HS2ST1: variants seen among roughly 807,000 people sequenced by gnomAD.
HS2ST1 encodes the protein 2-O-sulfotransferase.
In HS2ST1, 18 loss-of-function variants were observed where a neutral mutation model predicts 42.9. The observed-to-expected ratio is 0.42, with a 90% CI of 0.29 to 0.62. HS2ST1 has a LOEUF of 0.62. HS2ST1 is among the 20% of genes least tolerant of loss of function. The probability of loss-of-function intolerance (pLI) is 0.21; values close to 1 mark genes in which losing one functional copy is unlikely to be tolerated. For synonymous variants in HS2ST1, 146 were observed against 152.9 expected, an observed-to-expected ratio of 0.95 and a Z score of 0.33; for missense variants, 334 against 433.8, an observed-to-expected ratio of 0.77 and a Z score of 2.04.
intron 1 of HS2ST1, among the ~76,000 whole-genome samples, chr1:86,935,237 C>T (rs1011663723): frequency 1.3e-5 from 2 of 151,322 alleles, no homozygotes; most frequent in African/African-American, 4.9e-5. Context: ...TCTGGTAGGG[C>T]TAATCTTGCT....
intron 1 of HS2ST1, among the ~76,000 whole-genome samples, chr1:87,036,046 C>T (rs1650366970): frequency 6.6e-6 from 1 of 152,086 alleles, no homozygotes; most frequent in African/African-American, 2.4e-5. Flanking sequence ...TTGTTCAACT[C>T]CCACTTATGA....
intron 1 of HS2ST1, among the ~76,000 whole-genome samples, chr1:86,952,202 C>T (rs1020822386): frequency 2.6e-5 from 4 of 152,072 alleles, no homozygotes; most frequent in Admixed American, 6.5e-5. Flanking sequence ...AATCACTGTC[C>T]GTGGCAGCTA....
intron 1 of HS2ST1, among the ~76,000 whole-genome samples, chr1:87,052,689 G>A (rs926297374): frequency 6.6e-6 from 1 of 152,166 alleles, no homozygotes; most frequent in Non-Finnish European, 1.5e-5. Context: ...AGTGCCATGA[G>A]TTAAAGGGTA....
chr1:87,028,991 A>C (rs964591260), intron 1 of HS2ST1, among the ~76,000 whole-genome samples: 1 of 152,194 alleles, frequency 6.6e-6, no homozygotes, highest in Non-Finnish European at 1.5e-5. Context: ...ACTTAGTTTT[A>C]GACATGAGGA....
intron 1 of HS2ST1, among the ~76,000 whole-genome samples, chr1:86,922,697 A>G (rs1212482711): frequency 1.3e-5 from 2 of 152,134 alleles, no homozygotes; most frequent in Non-Finnish European, 2.9e-5. Context: ...GAAGGTTGCC[A>G]TCATTCTTTG....
In HS2ST1 at chr1:87,053,239, T is replaced by G. The variant is rs551326821; in HGVS notation, c.125-19695T>G. Among the ~76,000 whole-genome samples the G allele has an allele frequency of 4.6e-5, 7 of 152,334 alleles. No homozygotes were observed. The East Asian group carries it at 1.2e-3, about 25-fold the overall frequency. On this transcript the variant is annotated intron_variant, in intron 1 of 6. Transcript: ENST00000370550. Reference sequence around the variant, plus strand: ...TGCAGTTGTTGAAGTGTGAAAATAATTTAGCTTTGTAGACAGTTCTGGCAT... The same window carrying G: ...TGCAGTTGTTGAAGTGTGAAAATAAGTTAGCTTTGTAGACAGTTCTGGCAT...
Position 87,101,150 on chromosome 1 carries a change from T to G in HS2ST1, c.687-2282T>G, listed in dbSNP as rs1188203610. The stretch of plus-strand genomic sequence containing the variant: ...CATCACTTTTGTGTGTGTGTGTGTG[T>G]TTTTTGTTTTTTTTTTTTTTTTTTT... On this transcript the variant is annotated intron_variant, in intron 5 of 6. Transcript: ENST00000370550. 6.9e-4 allele frequency among the ~76,000 whole-genome samples: 45 copies of G among 65,278 alleles called. 1 individual carries two copies. The highest frequency in any genetic ancestry group is 1.7e-3 in the African/African-American group (28 of 16,104). 42.8% of individuals were successfully genotyped at this position (65,278 alleles called of 152,430 possible). A position where few individuals can be genotyped will look rare whatever the true frequency, so the allele number is the denominator to read the frequency against.
intron 1 of HS2ST1, among the ~76,000 whole-genome samples, chr1:86,939,194 G>T (rs1170546412): frequency 6.6e-6 from 1 of 152,154 alleles, no homozygotes; most frequent in South Asian, 2.1e-4. Context: ...AAGGACAGGA[G>T]TTAAATATAA....
intron 1 of HS2ST1, among the ~76,000 whole-genome samples, chr1:86,935,598 G>A (rs71662192): frequency 6.6e-6 from 1 of 151,448 alleles, no homozygotes; most frequent in Non-Finnish European, 1.5e-5. Context: ...GAGTAGCTGA[G>A]ATTCCAGGCG....
chr1:87,065,307 G>A (rs1239917142), intron 1 of HS2ST1, among the ~76,000 whole-genome samples: 1 of 152,176 alleles, frequency 6.6e-6, no homozygotes, highest in Non-Finnish European at 1.5e-5. Flanking sequence ...TGAGCTTTTA[G>A]AGCCTAGCTT....
intron 4 of HS2ST1, among the ~76,000 whole-genome samples, chr1:87,094,646 T>C (rs561943659): frequency 2.0e-5 from 3 of 152,198 alleles, no homozygotes; most frequent in South Asian, 2.1e-4. Context: ...ACTCGACATT[T>C]TTCTGTGAAA....
At chr1:86,998,934 A>G (rs1366417280) in intron 1 of HS2ST1, among the ~76,000 whole-genome samples, 2 of 152,192 alleles carry the variant, frequency 1.3e-5, no homozygotes, top group African/African-American at 4.8e-5. Flanking sequence ...CTGACTCATA[A>G]TCTGCATTTT....
At chr1:87,065,469 T>A (rs538135562) in intron 1 of HS2ST1, among the ~76,000 whole-genome samples, 1 of 152,318 alleles carries the variant, frequency 6.6e-6, no homozygotes, top group South Asian at 2.1e-4. Flanking sequence ...ACGAGTAACC[T>A]ATTTTTTCTG....
chr1:87,086,524 T>C (rs1252830832), intron 3 of HS2ST1, among the ~76,000 whole-genome samples: 3 of 152,186 alleles, frequency 2.0e-5, no homozygotes, highest in Non-Finnish European at 2.9e-5. Flanking sequence ...ATTTAACACA[T>C]AGTTTTTTTA....
At chr1:87,063,783 C>G (rs1380504695) in intron 1 of HS2ST1, among the ~76,000 whole-genome samples, 3 of 152,040 alleles carry the variant, frequency 2.0e-5, no homozygotes, top group Non-Finnish European at 4.4e-5. Context: ...TTTTAACATT[C>G]CTGTTATTTT....
At chr1:87,102,376 T>C (rs1652234898) in intron 5 of HS2ST1, among the ~76,000 whole-genome samples, 1 of 152,110 alleles carries the variant, frequency 6.6e-6, no homozygotes, top group Non-Finnish European at 1.5e-5. Flanking sequence ...TTTAAATAAC[T>C]AGATCTCTAA....
intron 1 of HS2ST1, among the ~76,000 whole-genome samples, chr1:86,930,007 T>G (rs1008088542): frequency 6.6e-6 from 1 of 151,832 alleles, no homozygotes; most frequent in African/African-American, 2.4e-5. Flanking sequence ...TTAACTCAGG[T>G]AAATAGTTAC....
At chr1:87,040,066 C>T (rs1650481399) in intron 1 of HS2ST1, among the ~76,000 whole-genome samples, 1 of 152,022 alleles carries the variant, frequency 6.6e-6, no homozygotes, top group South Asian at 2.1e-4. Context: ...TTAATAGATC[C>T]ATTAATGGAA....
intron 2 of HS2ST1, among the ~76,000 whole-genome samples, chr1:87,077,212 C>T (rs1202126086): frequency 6.6e-6 from 1 of 152,138 alleles, no homozygotes; most frequent in Non-Finnish European, 1.5e-5. Context: ...TTAGTCTTCC[C>T]AGGATGGTAG....
Sources: gnomAD v4.1 joint callset for allele counts (sites outside exome capture counted in the v4.1 genomes callset) on GRCh38, gnomAD v4.1.1 for gene constraint, MANE v1.5 for transcripts, NCBI Gene and HGNC (gene_info 2026-07-23, HGNC 2026-07-21) for gene names.